MGAT5: variants seen among roughly 807,000 people sequenced by gnomAD.
The protein encoded by MGAT5 is alpha-1,6-mannosylglycoprotein 6-beta-N-acetylglucosaminyltransferase A.
Under a neutral mutation model 94.3 loss-of-function variants are expected in MGAT5, and 30 were observed. The observed-to-expected ratio is 0.32, with a 90% CI of 0.24 to 0.43. The LOEUF (loss-of-function observed/expected upper bound fraction) is 0.43. Ranked by LOEUF, MGAT5 falls within the 20% of genes least tolerant of loss-of-function variation. MGAT5 has a pLI of 1.00. For synonymous variants in MGAT5, 310 were observed against 322.9 expected, an observed-to-expected ratio of 0.96 and a Z score of 0.43; for missense variants, 691 against 905.5, an observed-to-expected ratio of 0.76 and a Z score of 3.04.
intron 10 of MGAT5, among the ~76,000 whole-genome samples, chr2:134,398,293 C>T (rs1675146451): frequency 6.6e-6 from 1 of 152,154 alleles, no homozygotes; most frequent in African/African-American, 2.4e-5. Context: ...TTTTTCTCTG[C>T]CCTCCATGGA....
chr2:134,124,838 A>AT (rs1685768553), intron 1 of MGAT5, among the ~76,000 whole-genome samples: 1 of 152,144 alleles, frequency 6.6e-6, no homozygotes. Context: ...TCCCTTTGTG[A>AT]TTTTTGTGGC....
chr2:134,177,529 G>T (rs937927516), intron 1 of MGAT5, among the ~76,000 whole-genome samples: 1 of 152,172 alleles, frequency 6.6e-6, no homozygotes, highest in Non-Finnish European at 1.5e-5. Flanking sequence ...ACAAGAGTGC[G>T]GATTTCAGTG....
chr2:134,319,228 G>A (rs994510871), intron 4 of MGAT5, among the ~76,000 whole-genome samples: 2 of 152,112 alleles, frequency 1.3e-5, no homozygotes, highest in Admixed American at 1.3e-4. Context: ...AATTTTGGGG[G>A]GAATTGCCAT....
chr2:134,350,863 G>A (rs917366639), intron 9 of MGAT5, among the ~76,000 whole-genome samples: 2 of 152,184 alleles, frequency 1.3e-5, no homozygotes, highest in East Asian at 3.9e-4. Flanking sequence ...TTAATCCAGA[G>A]GTTTCCACTT....
intron 1 of MGAT5, among the ~76,000 whole-genome samples, chr2:134,121,562 G>T (rs915434270): frequency 6.6e-5 from 10 of 152,180 alleles, no homozygotes; most frequent in Middle Eastern, 3.2e-3. Flanking sequence ...GGCCCTCCTG[G>T]GACCGACTGC....
At chr2:134,356,237 G>C (rs1008932954) in intron 9 of MGAT5, among the ~76,000 whole-genome samples, 2 of 152,152 alleles carry the variant, frequency 1.3e-5, no homozygotes, top group African/African-American at 4.8e-5. Context: ...CTATAACAAA[G>C]TGGAGAGAAG....
chr2:134,322,959 A>G (rs1409738071), intron 4 of MGAT5, among the ~76,000 whole-genome samples: 4 of 152,148 alleles, frequency 2.6e-5, no homozygotes, highest in Admixed American at 2.6e-4. Context: ...ACAGATGCCA[A>G]AAGGACATGA....
intron 9 of MGAT5, among the ~76,000 whole-genome samples, chr2:134,359,102 T>G (rs1343447719): frequency 6.6e-6 from 1 of 152,222 alleles, no homozygotes; most frequent in Non-Finnish European, 1.5e-5. Flanking sequence ...TTGGCAAATC[T>G]CCTGCAGTTT....
chr2:134,237,827 C>T (rs926746311), intron 1 of MGAT5, among the ~76,000 whole-genome samples: 3 of 150,856 alleles, frequency 2.0e-5, no homozygotes, highest in Non-Finnish European at 4.4e-5. Flanking sequence ...CTTGGCTCAC[C>T]GCAGCCTCTG....
intron 9 of MGAT5, among the ~76,000 whole-genome samples, chr2:134,352,897 T>G (rs1490196976): frequency 6.6e-6 from 1 of 152,186 alleles, no homozygotes; most frequent in Non-Finnish European, 1.5e-5. Flanking sequence ...TCCTGTCATA[T>G]GCTACAACAT....
intron 12 of MGAT5, among the ~76,000 whole-genome samples, chr2:134,420,849 C>A (rs1684251652): frequency 6.6e-6 from 1 of 152,182 alleles, no homozygotes; most frequent in Non-Finnish European, 1.5e-5. Context: ...AAAAGAATTT[C>A]TAATAAAGCA....
At chr2:134,381,330 C>CATAGATAGATGGATAG (rs1681530583) in intron 10 of MGAT5, among the ~76,000 whole-genome samples, 1 of 67,808 alleles carries the variant, frequency 1.5e-5, no homozygotes, top group Non-Finnish European at 3.2e-5. Context: ...AGACCTGTCT[C>CATAGATAGATGGATAG]ATAGATAGAT....
intron 10 of MGAT5, among the ~76,000 whole-genome samples, chr2:134,379,509 G>C (rs569800857): frequency 2.6e-5 from 4 of 152,192 alleles, no homozygotes; most frequent in African/African-American, 4.8e-5. Flanking sequence ...AAAGAATTAA[G>C]TTTTAGGCAG....
At chr2:134,259,206 T>G (rs1234758774) in intron 1 of MGAT5, among the ~76,000 whole-genome samples, 1 of 152,168 alleles carries the variant, frequency 6.6e-6, no homozygotes, top group African/African-American at 2.4e-5. Context: ...CCCAGGCAAG[T>G]GTAGAGCCAG....
At chr2:134,352,682 A>C (rs1304184354) in intron 9 of MGAT5, among the ~76,000 whole-genome samples, 1 of 152,170 alleles carries the variant, frequency 6.6e-6, no homozygotes, top group Non-Finnish European at 1.5e-5. Flanking sequence ...GACCATGTAA[A>C]TGTTTTACCT....
At chr2:134,161,280 T>C (rs1687720417) in intron 1 of MGAT5, among the ~76,000 whole-genome samples, 1 of 152,174 alleles carries the variant, frequency 6.6e-6, no homozygotes, top group Non-Finnish European at 1.5e-5. Flanking sequence ...GCCAGGCCAG[T>C]GTGTTGCCAA....
chr2:134,366,839 A>G (rs1460119171), intron 10 of MGAT5, among the ~76,000 whole-genome samples: 2 of 152,198 alleles, frequency 1.3e-5, no homozygotes, highest in Non-Finnish European at 2.9e-5. Flanking sequence ...TCGCAAATAA[A>G]TAACTCCTCT....
At chr2:134,191,826 T>A (rs1244040701) in intron 1 of MGAT5, among the ~76,000 whole-genome samples, 163 of 80,140 alleles carry the variant, frequency 2.0e-3, no homozygotes, top group Middle Eastern at 0.014. Context: ...TCCTGATGGG[T>A]GGGTGGATTC....
At chr2:134,223,006 T>G (rs1680866696) in intron 1 of MGAT5, among the ~76,000 whole-genome samples, 1 of 152,004 alleles carries the variant, frequency 6.6e-6, no homozygotes, top group African/African-American at 2.4e-5. Flanking sequence ...TATATATCTA[T>G]ATCTATATTT....
Sources: gnomAD v4.1 joint callset for allele counts (sites outside exome capture counted in the v4.1 genomes callset) on GRCh38, gnomAD v4.1.1 for gene constraint, MANE v1.5 for transcripts, NCBI Gene and HGNC (gene_info 2026-07-23, HGNC 2026-07-21) for gene names.